Variants in RREB1 observed in about 807,000 individuals in gnomAD.
The protein encoded by RREB1 is ras-responsive element-binding protein 1.
RREB1 carries 27 observed loss-of-function variants against 117.8 expected under a neutral mutation model. The ratio of observed to expected loss-of-function variants is 0.23; its 90% CI spans 0.17 to 0.32. The LOEUF is 0.32. Ranked by LOEUF, RREB1 falls within the 10% of genes least tolerant of loss-of-function variation. The pLI, the probability that RREB1 is intolerant of heterozygous loss-of-function variation, is 1.00. For synonymous variants in RREB1, 1,298 were observed against 1,026.7 expected (o/e 1.26, Z -5.05); for missense variants, 2,577 against 2,378.2 (o/e 1.08, Z -1.74).
intron 8 of RREB1, among the ~76,000 whole-genome samples, chr6:7,224,095 G>C (rs1767445678): frequency 6.6e-6 from 1 of 151,974 alleles, no homozygotes; most frequent in Non-Finnish European, 1.5e-5. Flanking sequence ...ACAGTTGAAT[G>C]CCATAATCGT....
intron 1 of RREB1, among the ~76,000 whole-genome samples, chr6:7,117,394 T>TTG (rs1761454437): frequency 3.9e-5 from 1 of 25,816 alleles, no homozygotes; most frequent in Non-Finnish European, 1.7e-4. Context: ...TCCTGTTTTT[T>TTG]TTTTTTTTTT....
chr6:7,191,181 A>T, intron 6 of RREB1, among the ~76,000 whole-genome samples: 2 of 152,220 alleles, frequency 1.3e-5, no homozygotes, highest in South Asian at 4.1e-4. Context: ...TCTGGGTGTC[A>T]TATCTGTATT....
At chr6:7,169,254 T>G (rs1408875092) in intron 1 of RREB1, among the ~76,000 whole-genome samples, 3 of 152,230 alleles carry the variant, frequency 2.0e-5, no homozygotes, top group Non-Finnish European at 4.4e-5. Context: ...CTTAATTCCC[T>G]GTGGGACATC....
intron 2 of RREB1, among the ~76,000 whole-genome samples, chr6:7,180,109 T>C (rs1764714821): frequency 6.6e-6 from 1 of 152,332 alleles, no homozygotes; most frequent in South Asian, 2.1e-4. Flanking sequence ...TAGTCTCAAA[T>C]TGTATGTTTC....
At position 7,169,358 on chromosome 6, in the gene RREB1, CTTA is replaced by C. The variant is rs1308934211; in HGVS notation, c.-284-7293_-284-7291del. On this transcript the variant is annotated intron_variant, in intron 1 of 12. Coordinates refer to ENST00000379938, the MANE Select transcript of RREB1 (RefSeq NM_001003699.4). ...CCCTGTGGTCCAGCATGGGTGCTTC[CTTA>C]TTAGAGCATAGTCCACCTTGGGCAC... is the stretch of plus-strand genomic sequence containing the variant. 2.6e-5 allele frequency among the ~76,000 whole-genome samples: 4 copies of C among 152,314 alleles called. No homozygotes were observed. The South Asian group carries it at 8.3e-4, about 32-fold the overall frequency.
At chr6:7,168,024 G>A (rs1172516567) in intron 1 of RREB1, among the ~76,000 whole-genome samples, 2 of 152,004 alleles carry the variant, frequency 1.3e-5, no homozygotes, top group Non-Finnish European at 2.9e-5. Context: ...ACTTTGTGAG[G>A]CCGAGGTGGG....
At chr6:7,242,098 G>C (rs1408765394) in intron 11 of RREB1, among the ~76,000 whole-genome samples, 19 of 152,234 alleles carry the variant, frequency 1.2e-4, no homozygotes, top group Admixed American at 1.2e-3. Flanking sequence ...TTCCCATAGT[G>C]GTTCCACAGT....
At chr6:7,163,843 G>C (rs568154398) in intron 1 of RREB1, among the ~76,000 whole-genome samples, 54 of 152,386 alleles carry the variant, frequency 3.5e-4, no homozygotes, top group Non-Finnish European at 6.5e-4. Flanking sequence ...GACATATCCA[G>C]TGAGCATGAT....
chr6:7,112,264 A>G (rs887503711), intron 1 of RREB1, among the ~76,000 whole-genome samples: 5 of 152,202 alleles, frequency 3.3e-5, no homozygotes, highest in Non-Finnish European at 7.3e-5. Context: ...TCATTGAGAT[A>G]AAATGGTTGA....
chr6:7,223,104 A>C (rs902006992), intron 8 of RREB1, among the ~76,000 whole-genome samples: 4 of 151,904 alleles, frequency 2.6e-5, no homozygotes, highest in African/African-American at 9.7e-5. Flanking sequence ...AAAATTTTAA[A>C]AATTAGCCAG....
At chr6:7,211,457 A>G (rs770274104) in intron 7 of RREB1, 116 bp from the exon 8 acceptor site, 7 of 911,972 alleles carry the variant, frequency 7.7e-6, no homozygotes, top group Non-Finnish European at 1.2e-5. Flanking sequence ...TCAGGATTGG[A>G]TAATGCAACC....
intron 1 of RREB1, among the ~76,000 whole-genome samples, chr6:7,130,842 T>C (rs1036171221): frequency 2.8e-4 from 42 of 151,964 alleles, no homozygotes; most frequent in African/African-American, 9.7e-4. Flanking sequence ...GTCTCAAACT[T>C]CTGACCTCAT....
intron 1 of RREB1, among the ~76,000 whole-genome samples, chr6:7,172,410 C>T (rs547650777): frequency 1.4e-4 from 22 of 151,956 alleles, no homozygotes; most frequent in Non-Finnish European, 2.8e-4. Context: ...CCCCCCACCC[C>T]GGCTTCTTTT....
At chr6:7,142,629 G>A (rs141048718) in intron 1 of RREB1, among the ~76,000 whole-genome samples, 452 of 152,362 alleles carry the variant, frequency 3.0e-3, no homozygotes, top group African/African-American at 0.01. Context: ...TTCATGAGCT[G>A]GCGCCTCTGC....
rs182221048 is a variant in RREB1 at position 7,203,347 on chromosome 6, A to G, written c.426-7457A>G. On this transcript the variant is annotated intron_variant, in intron 6 of 12. Transcript: ENST00000379938. ...ACTCTAGCCTGGGTGGTGCAGCAAGATTCTATTTCCAAAAAGAAAAGAATA... is the reference window on the plus strand; with the variant it reads ...ACTCTAGCCTGGGTGGTGCAGCAAGGTTCTATTTCCAAAAAGAAAAGAATA... Among the ~76,000 whole-genome samples the G allele has an allele frequency of 2.0e-5, 3 of 152,324 alleles. No individual in the cohort carries two copies. The East Asian group carries it at 5.8e-4, about 29-fold the overall frequency.
At position 7,228,874 on chromosome 6, in the gene RREB1, G is replaced by A. The variant is rs1581570042; in HGVS notation, c.898-123G>A. The A allele has an allele frequency of 2.8e-5, 24 of 865,938 alleles. No homozygotes were observed. The East Asian group carries it at 6.7e-4, about 24-fold the overall frequency. 53.6% of individuals were successfully genotyped at this position (865,938 alleles called of 1,614,324 possible). A position where few individuals can be genotyped will look rare whatever the true frequency, so the allele number is the denominator to read the frequency against. ...ATTGCCCAGGCTGGGAACTCTTTAT[G>A]TTATGGGGAAAGGCTGTGTACTGGG... On this transcript the variant is annotated intron_variant, in intron 9 of 12. Transcript: ENST00000379938.
At chr6:7,163,923 A>G (rs1197778759) in intron 1 of RREB1, among the ~76,000 whole-genome samples, 3 of 152,090 alleles carry the variant, frequency 2.0e-5, no homozygotes, top group African/African-American at 7.2e-5. Flanking sequence ...CGTGGCTGGG[A>G]GGAAATTGAG....
intron 6 of RREB1, among the ~76,000 whole-genome samples, chr6:7,208,326 G>C (rs1766388014): frequency 6.6e-6 from 1 of 152,148 alleles, no homozygotes; most frequent in African/African-American, 2.4e-5. Context: ...TGGAGGCTAG[G>C]GAAGCAGAGC....
intron 1 of RREB1, among the ~76,000 whole-genome samples, chr6:7,133,264 C>A (rs1194530379): frequency 6.6e-6 from 1 of 152,138 alleles, no homozygotes; most frequent in Non-Finnish European, 1.5e-5. Flanking sequence ...TCTTAGACAT[C>A]AGCTCACCCT....
Sources: gnomAD v4.1 joint callset for allele counts (sites outside exome capture counted in the v4.1 genomes callset) on GRCh38, gnomAD v4.1.1 for gene constraint, MANE v1.5 for transcripts, NCBI Gene and HGNC (gene_info 2026-07-23, HGNC 2026-07-21) for gene names.